Variants in MYO1B observed in about 807,000 individuals in gnomAD.
The protein encoded by MYO1B is unconventional myosin-Ib.
In MYO1B, 72 loss-of-function variants were observed where a neutral mutation model predicts 159.7. That is an observed-to-expected ratio of 0.45 (90% confidence interval 0.37 to 0.55). The LOEUF (loss-of-function observed/expected upper bound fraction) is 0.55. Ranked by LOEUF, MYO1B falls within the 20% of genes least tolerant of loss-of-function variation. The pLI, the probability that MYO1B is intolerant of heterozygous loss-of-function variation, is 0.00. For synonymous variants in MYO1B, 468 were observed against 473.8 expected (o/e 0.99, Z 0.16); for missense variants, 1,062 against 1,364.8 (o/e 0.78, Z 3.50).
At chr2:191,340,103 C>T (rs1692114387) in intron 4 of MYO1B, among the ~76,000 whole-genome samples, 1 of 152,110 alleles carries the variant, frequency 6.6e-6, no homozygotes, top group African/African-American at 2.4e-5. Context: ...ACTACCCAGA[C>T]CAGGGAATAT....
chr2:191,265,661 C>G (rs541517473), intron 1 of MYO1B, among the ~76,000 whole-genome samples: 1 of 152,198 alleles, frequency 6.6e-6, no homozygotes, highest in African/African-American at 2.4e-5. Context: ...CTCAGGTTTG[C>G]CAATCTAAAC....
intron 21 of MYO1B, among the ~76,000 whole-genome samples, chr2:191,399,834 C>T (rs1057178170): frequency 7.2e-5 from 11 of 152,234 alleles, no homozygotes; most frequent in South Asian, 4.1e-4. Flanking sequence ...CGTTTATAGG[C>T]GAGAGACCTT....
intron 1 of MYO1B, 125 bp from the exon 2 acceptor site, chr2:191,276,762 T>C: frequency 8.7e-7 from 1 of 1,146,136 alleles, no homozygotes; most frequent in Non-Finnish European, 1.2e-6. Flanking sequence ...GGAGAGGTTA[T>C]GACATTTTTT....
Position 191,392,113 on chromosome 2 carries a change from G to T in MYO1B, c.1988G>T (p.Gly663Val), listed in dbSNP as rs1695792181. 6.2e-7 allele frequency: 1 copy of T among 1,604,768 alleles called. No individual in the cohort carries two copies. Among genetic ancestry groups the T allele is most frequent in the African/African-American group, 1.3e-5 (1 of 74,710 alleles). ...WPHWKGPARSGVEVLFNELEI... is the reference protein window; with the variant it reads ...WPHWKGPARSVVEVLFNELEI... ...TTTTATTTTTATTTTTTTAGGTCTGGTGTGGAGGTCCTATTTAATGAATTA... is the reference window on the plus strand; with the variant it reads ...TTTTATTTTTATTTTTTTAGGTCTGTTGTGGAGGTCCTATTTAATGAATTA... Residue 663 changes from glycine to valine, a missense_variant, in exon 19 of 31, where the codon GGT (glycine) becomes GTT (valine). Transcript: ENST00000392318.
intron 4 of MYO1B, among the ~76,000 whole-genome samples, chr2:191,337,654 T>C (rs1288997692): frequency 6.6e-6 from 1 of 152,190 alleles, no homozygotes; most frequent in Non-Finnish European, 1.5e-5. Flanking sequence ...TATATATATA[T>C]ATGTACGTAA....
At position 191,296,226 on chromosome 2, in the gene MYO1B, T is replaced by A; in HGVS notation, c.251T>A (p.Ile84Asn). Residue 84 changes from isoleucine to asparagine, a missense_variant and splice_region_variant, in exon 3 of 31, where the codon ATC (isoleucine) becomes AAC (asparagine). This residue lies in a region of MYO1B where 415 missense variants were observed against 544.0 expected (regional missense o/e 0.76). Coordinates refer to ENST00000392318, the MANE Select transcript of MYO1B (RefSeq NM_001130158.3). ...AATTTTTATGAACTGAGCCCTCACA[T>A]GTAAGTACTGTACTAAAGCATTAAG... ...NRNFYELSPH[I>N]FALSDEAYRS... The A allele has an allele frequency of 6.4e-7, 1 of 1,566,772 alleles. No homozygotes were observed. The highest frequency in any genetic ancestry group is 8.8e-7 in the Non-Finnish European group (1 of 1,139,688).
At chr2:191,421,174 A>T (rs1361295673) in intron 30 of MYO1B, among the ~76,000 whole-genome samples, 1 of 148,226 alleles carries the variant, frequency 6.7e-6, no homozygotes, top group Non-Finnish European at 1.5e-5. Flanking sequence ...GGTTCAAGGG[A>T]TTCTCCTGCC....
intron 7 of MYO1B, among the ~76,000 whole-genome samples, chr2:191,352,914 A>G (rs922510387): frequency 1.3e-5 from 2 of 152,202 alleles, no homozygotes; most frequent in African/African-American, 2.4e-5. Context: ...AAAATTTGCC[A>G]TTTTGTAGGA....
chr2:191,315,939 T>A (rs1484252536), intron 3 of MYO1B, among the ~76,000 whole-genome samples: 1 of 152,178 alleles, frequency 6.6e-6, no homozygotes, highest in Non-Finnish European at 1.5e-5. Context: ...GGGAACAAGG[T>A]TTCGGCTCCG....
At chr2:191,362,423 C>A in intron 9 of MYO1B, 52 bp downstream of exon 9, 1 of 1,357,390 alleles carries the variant, frequency 7.4e-7, no homozygotes, top group Non-Finnish European at 1.0e-6. Context: ...CTGCATTGCT[C>A]AGCGGGAGCT....
intron 11 of MYO1B, among the ~76,000 whole-genome samples, chr2:191,367,071 G>C (rs761120332): frequency 3.3e-5 from 5 of 152,022 alleles, no homozygotes; most frequent in Non-Finnish European, 7.4e-5. Context: ...TTTCCTCTCT[G>C]AGTTTCATGC....
chr2:191,268,436 G>A (rs940609432), intron 1 of MYO1B, among the ~76,000 whole-genome samples: 1 of 152,144 alleles, frequency 6.6e-6, no homozygotes, highest in Non-Finnish European at 1.5e-5. Flanking sequence ...CATCATACTG[G>A]GGGCTAGGGC....
chr2:191,416,503 A>G, intron 30 of MYO1B: 1 of 422,600 alleles, frequency 2.4e-6, no homozygotes, highest in South Asian at 3.0e-5. Context: ...GTGTTTATGG[A>G]GGAAAAAAAG....
At chr2:191,344,483 G>A (rs758946786) in intron 5 of MYO1B, among the ~76,000 whole-genome samples, 4 of 152,198 alleles carry the variant, frequency 2.6e-5, no homozygotes, top group Non-Finnish European at 4.4e-5. Flanking sequence ...AACTTTGCCT[G>A]TGTTGACTTT....
chr2:191,387,236 G>A lies in MYO1B; in HGVS notation c.1567G>A (p.Val523Met), dbSNP rs1695449601. 2 of 1,614,058 alleles carry A rather than the reference G, an allele frequency of 1.2e-6. No homozygotes were observed. The highest frequency in any genetic ancestry group is 1.7e-6 in the Non-Finnish European group (2 of 1,179,946). The change falls in exon 17 of 31, where the codon GTG becomes ATG. Residue 523 changes from valine to methionine, a missense_variant. Transcript: ENST00000392318. The part of the protein sequence containing the change: ...QHYAGKVLYQ[V>M]EGFVDKNNDL... ...GTGCTGCTTATAGGTGCTGTACCAG[G>A]TGGAAGGATTCGTTGACAAAAACAA...
chr2:191,314,267 T>C (rs1286647768), intron 3 of MYO1B, among the ~76,000 whole-genome samples: 1 of 152,260 alleles, frequency 6.6e-6, no homozygotes, highest in African/African-American at 2.4e-5. Flanking sequence ...ACTTTTTTTC[T>C]TTCACACTAT....
chr2:191,420,993 A>G (rs1185040417), intron 30 of MYO1B, among the ~76,000 whole-genome samples: 1 of 152,132 alleles, frequency 6.6e-6, no homozygotes, highest in Admixed American at 6.5e-5. Context: ...ATCTAATAAC[A>G]TAGTAAATGG....
At chr2:191,354,481 C>T (rs1358982746) in intron 7 of MYO1B, among the ~76,000 whole-genome samples, 1 of 151,884 alleles carries the variant, frequency 6.6e-6, no homozygotes, top group Non-Finnish European at 1.5e-5. Flanking sequence ...GAAAGTCAAA[C>T]AAAATTATTG....
At chr2:191,414,000 A>T (rs1380898098) in intron 27 of MYO1B, 48 bp from the exon 28 acceptor site, 2 of 1,546,662 alleles carry the variant, frequency 1.3e-6, no homozygotes, top group Admixed American at 2.1e-5. Flanking sequence ...TTTTAGTGGT[A>T]CTTTCATTTG....
Sources: gnomAD v4.1 joint callset for allele counts (sites outside exome capture counted in the v4.1 genomes callset) on GRCh38, gnomAD v4.1.1 for gene constraint, gnomAD v4.1.1 regional missense constraint, MANE v1.5 for transcripts, NCBI Gene and HGNC (gene_info 2026-07-23, HGNC 2026-07-21) for gene names.